CHCHD6: variants seen among roughly 807,000 people sequenced by gnomAD.
CHCHD6 encodes the protein coiled-coil-helix-coiled-coil-helix domain containing 6, also known as MICOS complex subunit MIC25.
A neutral mutation model predicts 32.3 loss-of-function variants in CHCHD6; 28 were observed. That is an observed-to-expected ratio of 0.87 (90% CI 0.64 to 1.19). The LOEUF (loss-of-function observed/expected upper bound fraction) is 1.19, where lower values mean the gene tolerates loss of function less well. Among genes scored for constraint, CHCHD6 ranks in the 50% most tolerant of loss-of-function variants. CHCHD6 has a pLI of 0.00. For synonymous variants in CHCHD6, 122 were observed against 117.5 expected (o/e 1.04, Z -0.25); for missense variants, 333 against 307.0 (o/e 1.08, Z -0.63).
chr3:126,818,692 G>A (rs1464137135), intron 4 of CHCHD6, among the ~76,000 whole-genome samples: 2 of 152,226 alleles, frequency 1.3e-5, no homozygotes, highest in African/African-American at 4.8e-5. Context: ...CTGAAAGGCA[G>A]TGGGCCTCAT....
intron 5 of CHCHD6, among the ~76,000 whole-genome samples, chr3:126,896,547 C>G (rs1361814980): frequency 6.6e-6 from 1 of 152,130 alleles, no homozygotes; most frequent in Non-Finnish European, 1.5e-5. Context: ...CTCAATCCAC[C>G]CTAATGACTT....
chr3:126,894,626 T>C (rs2077812059), intron 5 of CHCHD6, among the ~76,000 whole-genome samples: 1 of 152,076 alleles, frequency 6.6e-6, no homozygotes. Context: ...CAACAGGCCA[T>C]CCAGCCAGTG....
intron 5 of CHCHD6, among the ~76,000 whole-genome samples, chr3:126,904,910 G>C (rs142815186): frequency 6.6e-6 from 1 of 152,320 alleles, no homozygotes; most frequent in Non-Finnish European, 1.5e-5. Context: ...TCTAGAAGGG[G>C]AAGGGTGGGG....
At chr3:126,957,256 C>T (rs766162123) in intron 6 of CHCHD6, 160 bp from the exon 7 acceptor site, 40 of 797,288 alleles carry the variant, frequency 5.0e-5, no homozygotes, top group East Asian at 2.4e-4. Flanking sequence ...ATTTCTAGAA[C>T]GGGAAAGCAC....
At chr3:126,734,304 T>A (rs1935943406) in intron 4 of CHCHD6, among the ~76,000 whole-genome samples, 1 of 152,204 alleles carries the variant, frequency 6.6e-6, no homozygotes, top group Admixed American at 6.5e-5. Flanking sequence ...AGCATGGCTG[T>A]GGGCGGCATC....
chr3:126,946,454 C>T (rs1340506034), intron 6 of CHCHD6, among the ~76,000 whole-genome samples: 11 of 152,216 alleles, frequency 7.2e-5, no homozygotes, highest in Non-Finnish European at 4.4e-5. Context: ...TAAGCAGCAG[C>T]CAGGGGCTCG....
chr3:126,816,147 C>T (rs983264086), intron 4 of CHCHD6, among the ~76,000 whole-genome samples: 1 of 152,124 alleles, frequency 6.6e-6, no homozygotes, highest in East Asian at 1.9e-4. Flanking sequence ...TCCATACCCA[C>T]CTCTAGGCCA....
At chr3:126,753,780 C>T (rs1022943867) in intron 4 of CHCHD6, among the ~76,000 whole-genome samples, 2 of 152,172 alleles carry the variant, frequency 1.3e-5, no homozygotes, top group South Asian at 2.1e-4. Context: ...TGCTCCAGCA[C>T]GAGTCTGGGT....
Position 126,941,256 on chromosome 3 carries a change from C to T in CHCHD6, c.567-16160C>T, listed in dbSNP as rs372916220. Among the ~76,000 whole-genome samples the T allele has an allele frequency of 9.9e-5, 15 of 152,258 alleles. No individual in the cohort carries two copies. In the East Asian group the frequency reaches 2.1e-3, roughly 22 times the overall value. ...CTGCTTTCATTTTATTTTTTCCAAA[C>T]AAAATATCCTTTGTCCCATTAGCAC... On this transcript the variant is annotated intron_variant, in intron 6 of 7. Coordinates refer to ENST00000290913, the MANE Select transcript of CHCHD6 (RefSeq NM_032343.3).
At chr3:126,734,386 C>T (rs539176305) in intron 4 of CHCHD6, among the ~76,000 whole-genome samples, 4 of 152,274 alleles carry the variant, frequency 2.6e-5, no homozygotes, top group South Asian at 2.1e-4. Flanking sequence ...TGGGTAGCCT[C>T]GTACACACGG....
At chr3:126,866,897 T>C (rs952353276) in intron 5 of CHCHD6, among the ~76,000 whole-genome samples, 6 of 152,242 alleles carry the variant, frequency 3.9e-5, no homozygotes, top group African/African-American at 1.2e-4. Flanking sequence ...CCTCAGAGAA[T>C]TGACATTAGT....
intron 4 of CHCHD6, among the ~76,000 whole-genome samples, chr3:126,817,542 G>A (rs904412330): frequency 3.3e-5 from 5 of 152,178 alleles, no homozygotes; most frequent in African/African-American, 1.2e-4. Flanking sequence ...GCCTTTGCCT[G>A]CAGAACCCCC....
intron 4 of CHCHD6, among the ~76,000 whole-genome samples, chr3:126,737,874 G>T (rs116751931): frequency 6.6e-6 from 1 of 152,098 alleles, no homozygotes. Flanking sequence ...GTTGTGGAAC[G>T]ACATCCTGAA....
At chr3:126,735,948 G>A (rs1254868811) in intron 4 of CHCHD6, among the ~76,000 whole-genome samples, 2 of 152,178 alleles carry the variant, frequency 1.3e-5, no homozygotes, top group Non-Finnish European at 2.9e-5. Flanking sequence ...TCAATACTCA[G>A]TACAAACAGA....
intron 5 of CHCHD6, among the ~76,000 whole-genome samples, chr3:126,863,407 TCTA>T (rs1942043424): frequency 2.1e-5 from 1 of 48,504 alleles, no homozygotes; most frequent in Non-Finnish European, 3.8e-5. Context: ...CTCCTCCTCC[TCTA>T]CCATCATCAC....
intron 1 of CHCHD6, among the ~76,000 whole-genome samples, chr3:126,710,882 A>G (rs1934719193): frequency 6.6e-6 from 1 of 152,164 alleles, no homozygotes; most frequent in South Asian, 2.1e-4. Flanking sequence ...GTTTACAAAT[A>G]AAGACTGACT....
At chr3:126,770,540 A>G (rs1937524813) in intron 4 of CHCHD6, among the ~76,000 whole-genome samples, 1 of 152,104 alleles carries the variant, frequency 6.6e-6, no homozygotes, top group Non-Finnish European at 1.5e-5. Flanking sequence ...ACATGAAGGG[A>G]TGTTGAATTT....
chr3:126,775,589 G>A (rs1342346605), intron 4 of CHCHD6, among the ~76,000 whole-genome samples: 3 of 152,218 alleles, frequency 2.0e-5, no homozygotes, highest in East Asian at 3.9e-4. Context: ...AAAGTATTAC[G>A]GAGTTAGCAA....
At chr3:126,810,158 AAAC>A (rs1421722316) in intron 4 of CHCHD6, among the ~76,000 whole-genome samples, 2 of 152,218 alleles carry the variant, frequency 1.3e-5, no homozygotes, top group African/African-American at 2.4e-5. Flanking sequence ...ATTTCAGAGA[AAAC>A]AAAGTTATAC....
Sources: allele counts gnomAD v4.1 joint callset (sites outside exome capture counted in the v4.1 genomes callset), GRCh38; gene constraint gnomAD v4.1.1; transcripts MANE v1.5; gene names NCBI Gene and HGNC (gene_info 2026-07-23, HGNC 2026-07-21).